Variants in HMGB1 observed in about 807,000 individuals in gnomAD.
HMGB1 encodes the protein high mobility group box 1, also known as high mobility group protein B1.
For missense variants in HMGB1, 79 were observed against 253.5 expected (o/e 0.31, Z 4.67); for synonymous variants, 81 against 84.0 (o/e 0.96, Z 0.19).
At chr13:30,537,713 A>G (rs1407034875) in intron 1 of HMGB1, among the ~76,000 whole-genome samples, 1 of 130,268 alleles carries the variant, frequency 7.7e-6, no homozygotes, top group African/African-American at 2.7e-5. Flanking sequence ...GATGTATCCA[A>G]TGTTAATGAG....
chr13:30,505,437 C>T (rs1419036669), intron 1 of HMGB1, among the ~76,000 whole-genome samples: 1 of 152,070 alleles, frequency 6.6e-6, no homozygotes, highest in Admixed American at 6.6e-5. Context: ...CTTGACCTCC[C>T]AAAGTGCTGG....
chr13:30,582,535 G>A (rs1236864990), intron 1 of HMGB1, among the ~76,000 whole-genome samples: 1 of 152,088 alleles, frequency 6.6e-6, no homozygotes, highest in African/African-American at 2.4e-5. Context: ...CTACTCGGGA[G>A]GCTGAGGCCG....
chr13:30,465,193 G>GGCCGCCGCCGCC, intron 1 of HMGB1: 2 of 780,336 alleles, frequency 2.6e-6, no homozygotes, highest in Non-Finnish European at 1.5e-6. Context: ...CCCGCCGCCC[G>GGCCGCCGCCGCC]GCCGCCGCCG....
At chr13:30,609,077 C>T (rs1007149452) in intron 1 of HMGB1, among the ~76,000 whole-genome samples, 6 of 150,086 alleles carry the variant, frequency 4.0e-5, no homozygotes, top group African/African-American at 7.3e-5. Context: ...CTGGCTAACA[C>T]GGTGTGAAAC....
At chr13:30,551,019 C>G (rs568403392) in intron 1 of HMGB1, among the ~76,000 whole-genome samples, 37 of 152,292 alleles carry the variant, frequency 2.4e-4, no homozygotes, top group Non-Finnish European at 5.0e-4. Flanking sequence ...GACAGATGTT[C>G]ACCAAATGCT....
At chr13:30,477,804 A>T (rs1410331437) in intron 1 of HMGB1, among the ~76,000 whole-genome samples, 1 of 152,182 alleles carries the variant, frequency 6.6e-6, no homozygotes, top group Non-Finnish European at 1.5e-5. Context: ...GAGGAGCTGG[A>T]CCGGTTGGGA....
chr13:30,517,297 G>A (rs1171894853), intron 1 of HMGB1, among the ~76,000 whole-genome samples: 2 of 152,252 alleles, frequency 1.3e-5, no homozygotes, highest in Admixed American at 1.3e-4. Context: ...CCTATTTTGA[G>A]AACCACTGAG....
At chr13:30,612,466 C>T (rs74043518) in intron 1 of HMGB1, among the ~76,000 whole-genome samples, 7 of 152,136 alleles carry the variant, frequency 4.6e-5, no homozygotes, top group Non-Finnish European at 7.4e-5. Flanking sequence ...CAGCTTCAAG[C>T]GAATACAGTT....
At chr13:30,525,410 A>C (rs1426679229) in intron 1 of HMGB1, among the ~76,000 whole-genome samples, 1 of 152,202 alleles carries the variant, frequency 6.6e-6, no homozygotes, top group East Asian at 1.9e-4. Context: ...TGTGAACCAC[A>C]GCAAAGGAAG....
chr13:30,498,758 C>T (rs893532590), intron 1 of HMGB1, among the ~76,000 whole-genome samples: 1 of 151,654 alleles, frequency 6.6e-6, no homozygotes, highest in African/African-American at 2.4e-5. Flanking sequence ...AGAGATTCTC[C>T]TGCCTTAGCC....
At chr13:30,610,412 G>C (rs539553202) in intron 1 of HMGB1, among the ~76,000 whole-genome samples, 23 of 152,174 alleles carry the variant, frequency 1.5e-4, no homozygotes, top group Non-Finnish European at 3.1e-4. Flanking sequence ...ATCTGTAAAG[G>C]ACATGCAGGG....
intron 1 of HMGB1, among the ~76,000 whole-genome samples, chr13:30,507,374 T>G (rs1025702043): frequency 6.6e-6 from 1 of 152,206 alleles, no homozygotes; most frequent in African/African-American, 2.4e-5. Context: ...TCTTCTCCAC[T>G]GGACTGGAAG....
chr13:30,470,636 G>A (rs1259793877), upstream of HMGB1, among the ~76,000 whole-genome samples: 3 of 152,150 alleles, frequency 2.0e-5, no homozygotes, highest in East Asian at 5.8e-4. Flanking sequence ...TTACCAATTG[G>A]CTTTTTATTG....
intron 1 of HMGB1, among the ~76,000 whole-genome samples, chr13:30,591,818 A>G (rs1246633082): frequency 6.6e-6 from 1 of 152,210 alleles, no homozygotes; most frequent in Non-Finnish European, 1.5e-5. Flanking sequence ...GTCAACTCTT[A>G]TTCTATATTA....
intron 1 of HMGB1, among the ~76,000 whole-genome samples, chr13:30,557,030 T>G (rs1187275010): frequency 6.6e-6 from 1 of 152,218 alleles, no homozygotes; most frequent in East Asian, 1.9e-4. Context: ...TTGGTATTTG[T>G]CAATTTAAAA....
chr13:30,561,398 G>A (rs1355776478), intron 1 of HMGB1, among the ~76,000 whole-genome samples: 1 of 152,198 alleles, frequency 6.6e-6, no homozygotes, highest in South Asian at 2.1e-4. Flanking sequence ...AAGTGGGGCT[G>A]TGGTGACAAC....
chr13:30,594,113 C>T (rs1317911438), intron 1 of HMGB1, among the ~76,000 whole-genome samples: 2 of 152,080 alleles, frequency 1.3e-5, no homozygotes, highest in Admixed American at 1.3e-4. Context: ...CATTTACATA[C>T]GTATCTACAC....
In HMGB1 at chr13:30,456,811, A is replaced by C. The variant is rs1441296000; in HGVS notation, c.*4546T>G. On this transcript the variant is annotated 3_prime_UTR_variant, in exon 5 of 5. Coordinates refer to ENST00000341423, the MANE Select transcript of HMGB1 (RefSeq NM_002128.7). ...TTTATCAACATCTTCCAAAATGTTAAATGCAAATGTCTTTTGACTCAGCAG... is the reference window on the plus strand; with the variant it reads ...TTTATCAACATCTTCCAAAATGTTACATGCAAATGTCTTTTGACTCAGCAG... The C allele has an allele frequency of 7.0e-6, 1 of 143,224 alleles. No homozygotes were observed. Among genetic ancestry groups the C allele is most frequent in the African/African-American group, 2.6e-5 (1 of 37,786 alleles). 8.9% of individuals were successfully genotyped at this position (143,224 alleles called of 1,614,324 possible).
intron 1 of HMGB1, among the ~76,000 whole-genome samples, chr13:30,524,333 A>G (rs1227699378): frequency 1.3e-5 from 1 of 77,820 alleles, no homozygotes; most frequent in African/African-American, 5.1e-5. Flanking sequence ...AGCTTAAAGT[A>G]TATTAAAAAA....
Sources: gnomAD v4.1 joint callset for allele counts (sites outside exome capture counted in the v4.1 genomes callset) on GRCh38, gnomAD v4.1.1 for gene constraint, MANE v1.5 for transcripts, NCBI Gene and HGNC (gene_info 2026-07-23, HGNC 2026-07-21) for gene names.